The following FAM184A variants were observed in gnomAD, a reference collection of about 807,000 sequenced individuals.
The protein encoded by FAM184A is family with sequence similarity 184 member A, also known as protein FAM184A.
FAM184A carries 99 observed loss-of-function variants against 143.8 expected under a neutral mutation model. The observed-to-expected ratio is 0.69, with a 90% CI of 0.58 to 0.81. The LOEUF is 0.81. Ranked by LOEUF, FAM184A falls within the 40% of genes least tolerant of loss-of-function variation. The pLI is 0.00. For missense variants in FAM184A, 1,217 were observed against 1,310.5 expected, an observed-to-expected ratio of 0.93 and a Z score of 1.10; for synonymous variants, 427 against 446.4, an observed-to-expected ratio of 0.96 and a Z score of 0.55.
At chr6:119,079,423 A>T (rs1162833127), upstream of FAM184A, among the ~76,000 whole-genome samples, 1 of 152,234 alleles carries the variant, frequency 6.6e-6, no homozygotes. Flanking sequence ...ACAAGACATC[A>T]GTGCTTTAAG....
chr6:119,069,251 T>C (rs988151949), intron 1 of FAM184A: 2 of 184,220 alleles, frequency 1.1e-5, no homozygotes, highest in Non-Finnish European at 2.6e-5. Context: ...TATATTCTAC[T>C]TCGGTCATAT....
In FAM184A at chr6:118,959,876, ACT is replaced by A. The variant is rs1783263492; in HGVS notation, c.*225_*226del. The A allele has an allele frequency of 9.3e-6, 3 of 321,388 alleles. No individual in the cohort carries two copies. The highest frequency in any genetic ancestry group is 4.3e-5 in the African/African-American group (2 of 46,894). 19.9% of individuals were successfully genotyped at this position (321,388 alleles called of 1,614,324 possible). On this transcript the variant is annotated 3_prime_UTR_variant, in exon 18 of 18. Coordinates refer to ENST00000338891, the MANE Select transcript of FAM184A (RefSeq NM_024581.6). ...TATGCAGTAATTACAAAGGTTAAAGACTCTTCCATCTCAAATAAAAATAACAG... is the reference window on the plus strand; with the variant it reads ...TATGCAGTAATTACAAAGGTTAAAGACTTCCATCTCAAATAAAAATAACAG...
upstream of FAM184A, among the ~76,000 whole-genome samples, chr6:119,080,304 G>A (rs1393923248): frequency 6.6e-6 from 1 of 152,182 alleles, no homozygotes; most frequent in African/African-American, 2.4e-5. Flanking sequence ...AAAAGAGATG[G>A]TGTTACCAGC....
At chr6:119,118,846 AC>A (rs1789131656) in intron 1 of FAM184A, among the ~76,000 whole-genome samples, 1 of 152,234 alleles carries the variant, frequency 6.6e-6, no homozygotes, top group Non-Finnish European at 1.5e-5. Context: ...TGTTCAGGGA[AC>A]AAGAGAGGTA....
chr6:119,107,560 G>A (rs7761024), intron 1 of FAM184A, among the ~76,000 whole-genome samples: 38,139 of 152,118 alleles, frequency 0.25, 5,119 homozygotes, highest in Non-Finnish European at 0.29. Flanking sequence ...TCAGGAGTTC[G>A]AGACCAGCCT....
At chr6:119,121,158 G>T (rs1453987996) in intron 1 of FAM184A, among the ~76,000 whole-genome samples, 8 of 151,808 alleles carry the variant, frequency 5.3e-5, no homozygotes, top group Non-Finnish European at 8.8e-5. Flanking sequence ...TTGAGACAGG[G>T]TCTCACTCTG....
intron 14 of FAM184A, among the ~76,000 whole-genome samples, chr6:118,972,181 T>C (rs1783717007): frequency 6.6e-6 from 1 of 152,180 alleles, no homozygotes; most frequent in African/African-American, 2.4e-5. Flanking sequence ...AAACAACCAA[T>C]TGTCTAAAAC....
chr6:119,137,880 T>C (rs1180526158), intron 1 of FAM184A, among the ~76,000 whole-genome samples: 1 of 152,162 alleles, frequency 6.6e-6, no homozygotes, highest in Admixed American at 6.5e-5. Context: ...ACTGCTCCAG[T>C]CTTTGTAGTG....
At chr6:119,063,322 A>C (rs1399304254) in intron 1 of FAM184A, among the ~76,000 whole-genome samples, 3 of 152,152 alleles carry the variant, frequency 2.0e-5, no homozygotes, top group African/African-American at 7.2e-5. Flanking sequence ...AAAAAAACTT[A>C]AGCACAATAA....
intron 1 of FAM184A, among the ~76,000 whole-genome samples, chr6:119,109,017 T>A (rs1160412606): frequency 6.9e-6 from 1 of 144,024 alleles, no homozygotes; most frequent in African/African-American, 3.0e-5. Flanking sequence ...TCCTTTCTTG[T>A]CTTTTTTCCT....
chr6:119,024,963 T>A, intron 1 of FAM184A, 150 bp from the exon 2 acceptor site: 1 of 757,494 alleles, frequency 1.3e-6, no homozygotes, highest in Non-Finnish European at 2.0e-6. Flanking sequence ...TGCAATTGTT[T>A]TTTTACTCAT....
At chr6:119,018,275 A>C (rs1419646109) in intron 4 of FAM184A, among the ~76,000 whole-genome samples, 1 of 152,202 alleles carries the variant, frequency 6.6e-6, no homozygotes, top group East Asian at 1.9e-4. Flanking sequence ...CAGAAGAGAA[A>C]GCATCTGAGC....
intron 11 of FAM184A, among the ~76,000 whole-genome samples, chr6:118,977,845 A>C (rs1783892855): frequency 6.6e-6 from 1 of 152,262 alleles, no homozygotes; most frequent in African/African-American, 2.4e-5. Context: ...TGGAGGAACT[A>C]GTTAAAGAGA....
chr6:119,130,267 G>A (rs9374782), intron 1 of FAM184A, among the ~76,000 whole-genome samples: 2 of 151,970 alleles, frequency 1.3e-5, no homozygotes, highest in South Asian at 4.1e-4. Context: ...ATTTTAGGGA[G>A]CCCCCAAATC....
Position 119,033,135 on chromosome 6 carries a change from A to T in FAM184A, c.160-8322T>A, listed in dbSNP as rs375306258. 1.8e-4 allele frequency among the ~76,000 whole-genome samples: 28 copies of T among 152,318 alleles called. No individual in the cohort carries two copies. The East Asian group carries it at 4.6e-3, about 25-fold the overall frequency. ...TGAGCCCTAAGTAGCTTACTAAGGGAATCTTATGTTTCTATAAAATGGGTC... is the reference window on the plus strand; with the variant it reads ...TGAGCCCTAAGTAGCTTACTAAGGGTATCTTATGTTTCTATAAAATGGGTC... On this transcript the variant is annotated intron_variant, in intron 1 of 17. Transcript: ENST00000338891.
chr6:118,985,086 TA>T (rs1383283548), intron 9 of FAM184A, among the ~76,000 whole-genome samples: 1 of 152,262 alleles, frequency 6.6e-6, no homozygotes, highest in African/African-American at 2.4e-5. Flanking sequence ...TCTCTTGATA[TA>T]ATTCACCGTT....
chr6:119,069,060 G>A (rs768703664), intron 1 of FAM184A: 4 of 372,276 alleles, frequency 1.1e-5, no homozygotes, highest in South Asian at 2.1e-5. Flanking sequence ...TATTAGGTTG[G>A]CACAAAAGCA....
intron 1 of FAM184A, among the ~76,000 whole-genome samples, chr6:119,054,895 AATTT>A (rs1262028530): frequency 7.9e-5 from 12 of 152,094 alleles, no homozygotes; most frequent in African/African-American, 2.9e-4. Context: ...TTTGAGATAT[AATTT>A]ATGTAACATA....
At chr6:119,034,052 AGAGAGAG>A (rs1279592374) in intron 1 of FAM184A, among the ~76,000 whole-genome samples, 1 of 64,722 alleles carries the variant, frequency 1.5e-5, no homozygotes, top group Non-Finnish European at 3.7e-5. Flanking sequence ...AGAGAGAGAG[AGAGAGAG>A]AGAGAGAGAG....
Sources: allele counts gnomAD v4.1 joint callset (sites outside exome capture counted in the v4.1 genomes callset), GRCh38; gene constraint gnomAD v4.1.1; transcripts MANE v1.5; gene names NCBI Gene and HGNC (gene_info 2026-07-23, HGNC 2026-07-21).